The following DAG1 variants were observed in gnomAD, a reference collection of about 807,000 sequenced individuals.
DAG1 encodes the protein dystroglycan 1 (dystrophin-associated glycoprotein 1).
In DAG1, 8 loss-of-function variants were observed where a neutral mutation model predicts 46.1. The ratio of observed to expected loss-of-function variants is 0.17; its 90% confidence interval spans 0.10 to 0.31. The LOEUF (loss-of-function observed/expected upper bound fraction) is 0.31. Among genes scored for constraint, DAG1 ranks in the 10% least tolerant of loss-of-function variants. The pLI, the probability that DAG1 is intolerant of heterozygous loss-of-function variation, is 1.00. For missense variants in DAG1, 1,003 were observed against 1,189.9 expected (o/e 0.84, Z 2.31); for synonymous variants, 495 against 481.8 (o/e 1.03, Z -0.36).
At position 49,533,844 on chromosome 3, in the gene DAG1, T is replaced by C. The variant is rs942959810; in HGVS notation, c.*645T>C. The stretch of plus-strand genomic sequence containing the variant: ...TCAAAGGAATACTATTTTTTCACAC[T>C]ACGTCAACTTGGTTGCTCTGATACC... On this transcript the variant is annotated 3_prime_UTR_variant, in exon 3 of 3. Transcript: ENST00000308775. 1 of 182,786 alleles carries C rather than the reference T, an allele frequency of 5.5e-6. No homozygotes were observed. Among genetic ancestry groups the C allele is most frequent in the African/African-American group, 2.4e-5 (1 of 41,672 alleles). The allele number at this position is 182,786 out of a possible 1,614,324, so 11.3% of individuals were successfully genotyped here. A position where few individuals can be genotyped will look rare whatever the true frequency, so the allele number is the denominator to read the frequency against.
intron 1 of DAG1, among the ~76,000 whole-genome samples, chr3:49,491,639 G>C (rs1169835499): frequency 6.6e-6 from 1 of 152,042 alleles, no homozygotes. Flanking sequence ...AACACGCCTG[G>C]CTAATTTTTT....
intron 1 of DAG1, among the ~76,000 whole-genome samples, chr3:49,508,530 C>G (rs910920912): frequency 1.3e-5 from 2 of 152,132 alleles, no homozygotes; most frequent in African/African-American, 4.8e-5. Flanking sequence ...TCCTAAGTAG[C>G]TGCGACTTCA....
intron 2 of DAG1, among the ~76,000 whole-genome samples, chr3:49,529,742 TGGG>T (rs1194406238): frequency 3.9e-5 from 6 of 152,268 alleles, no homozygotes; most frequent in African/African-American, 1.2e-4. Flanking sequence ...TTTCTTGCAT[TGGG>T]GCAGGAGTAG....
intron 1 of DAG1, among the ~76,000 whole-genome samples, chr3:49,485,460 A>G (rs1321240238): frequency 6.6e-6 from 1 of 152,124 alleles, no homozygotes; most frequent in Non-Finnish European, 1.5e-5. Context: ...ATATACCAGA[A>G]TTTATCAAGC....
chr3:49,482,213 G>A (rs2049904834), intron 1 of DAG1, among the ~76,000 whole-genome samples: 1 of 152,070 alleles, frequency 6.6e-6, no homozygotes, highest in African/African-American at 2.4e-5. Context: ...AAAACCACAG[G>A]GACCTCTGCT....
intron 2 of DAG1, among the ~76,000 whole-genome samples, chr3:49,524,688 A>G (rs2051120969): frequency 6.7e-6 from 1 of 148,324 alleles, no homozygotes; most frequent in Non-Finnish European, 1.5e-5. Context: ...GCTCAAAAAA[A>G]TGTATATTTA....
chr3:49,525,815 C>T (rs1243363969), intron 2 of DAG1, among the ~76,000 whole-genome samples: 1 of 151,736 alleles, frequency 6.6e-6, no homozygotes, highest in East Asian at 1.9e-4. Flanking sequence ...GCCTCAGCCT[C>T]CCAAAGTGCT....
chr3:49,488,756 C>G (rs974573105), intron 1 of DAG1: 1 of 152,112 alleles, frequency 6.6e-6, no homozygotes, highest in Non-Finnish European at 1.5e-5. Context: ...GTGCGTGCCA[C>G]TATGACCATC....
intron 2 of DAG1, among the ~76,000 whole-genome samples, chr3:49,515,730 C>T (rs2050881412): frequency 1.3e-5 from 2 of 152,084 alleles, no homozygotes; most frequent in Admixed American, 1.3e-4. Context: ...GATATTGGTC[C>T]TAAGGATGCT....
intron 1 of DAG1, among the ~76,000 whole-genome samples, chr3:49,500,317 C>T (rs1246742969): frequency 6.6e-6 from 1 of 152,156 alleles, no homozygotes; most frequent in Non-Finnish European, 1.5e-5. Context: ...CCTGGCCTGA[C>T]ATTTTACTTC....
intron 2 of DAG1, among the ~76,000 whole-genome samples, chr3:49,517,944 C>A (rs981786861): frequency 6.6e-6 from 1 of 152,176 alleles, no homozygotes; most frequent in African/African-American, 2.4e-5. Context: ...GAGTTGGGCT[C>A]CTCAGCAGAG....
intron 1 of DAG1, chr3:49,476,893 A>G (rs562829526): frequency 6.6e-6 from 1 of 152,352 alleles, no homozygotes; most frequent in Non-Finnish European, 1.5e-5. Flanking sequence ...GCAGCCTAGC[A>G]CTAGAAGGTG....
intron 1 of DAG1, among the ~76,000 whole-genome samples, chr3:49,508,732 C>T (rs2050680966): frequency 6.6e-6 from 1 of 151,444 alleles, no homozygotes; most frequent in Non-Finnish European, 1.5e-5. Flanking sequence ...TTTCACCATG[C>T]TGGCCAGGCT....
intron 1 of DAG1, among the ~76,000 whole-genome samples, chr3:49,484,873 T>C (rs2049980555): frequency 6.6e-6 from 1 of 151,852 alleles, no homozygotes; most frequent in South Asian, 2.1e-4. Context: ...CTCTGCTCAC[T>C]GCAACCTCCG....
chr3:49,487,905 T>C (rs1399273310), intron 1 of DAG1, among the ~76,000 whole-genome samples: 2 of 151,936 alleles, frequency 1.3e-5, no homozygotes, highest in Admixed American at 1.3e-4. Flanking sequence ...GGTTTCACCA[T>C]GTTAGCCAGG....
intron 2 of DAG1, among the ~76,000 whole-genome samples, chr3:49,525,196 G>A (rs2051134496): frequency 6.6e-6 from 1 of 152,132 alleles, no homozygotes; most frequent in African/African-American, 2.4e-5. Flanking sequence ...CCATGATCCT[G>A]GAGTGACTGC....
chr3:49,489,482 A>G (rs999941389), intron 1 of DAG1, among the ~76,000 whole-genome samples: 1 of 152,182 alleles, frequency 6.6e-6, no homozygotes, highest in African/African-American at 2.4e-5. Context: ...ATAGTAGGGA[A>G]TCGGATACTG....
intron 1 of DAG1, among the ~76,000 whole-genome samples, chr3:49,490,406 C>G (rs1047358107): frequency 1.3e-5 from 2 of 150,198 alleles, no homozygotes; most frequent in Non-Finnish European, 3.0e-5. Context: ...AGAAAAATTG[C>G]AAGAATAATT....
chr3:49,478,793 G>A (rs1341063808), intron 1 of DAG1, among the ~76,000 whole-genome samples: 13 of 111,290 alleles, frequency 1.2e-4, no homozygotes, highest in South Asian at 2.5e-4. Flanking sequence ...GTCTCTTGTC[G>A]TCCCCTCCCT....
Sources: allele counts gnomAD v4.1 joint callset (sites outside exome capture counted in the v4.1 genomes callset), GRCh38; gene constraint gnomAD v4.1.1; transcripts MANE v1.5; gene names NCBI Gene and HGNC (gene_info 2026-07-23, HGNC 2026-07-21).